The following RGS6 variants were observed in gnomAD, a reference collection of about 807,000 sequenced individuals.
The protein encoded by RGS6 is regulator of G-protein signaling 6.
In RGS6, 30 loss-of-function variants were observed where a neutral mutation model predicts 78.5. That is an observed-to-expected ratio of 0.38 (90% confidence interval 0.29 to 0.52). RGS6 has a LOEUF of 0.52. Among genes scored for constraint, RGS6 ranks in the 20% least tolerant of loss-of-function variants. The probability of loss-of-function intolerance (pLI) is 0.85; values close to 1 mark genes in which losing one functional copy is unlikely to be tolerated. For missense variants in RGS6, 495 were observed against 609.7 expected (o/e 0.81, Z 1.98); for synonymous variants, 206 against 206.0 (o/e 1.00, Z 0.00).
intron 2 of RGS6, among the ~76,000 whole-genome samples, chr14:71,985,101 A>G (rs1478401676): frequency 1.3e-5 from 2 of 152,166 alleles, no homozygotes; most frequent in African/African-American, 4.8e-5. Context: ...ATAATATGTC[A>G]TCATTATCAT....
intron 3 of RGS6, among the ~76,000 whole-genome samples, chr14:72,427,452 T>C (rs1185400979): frequency 6.6e-6 from 1 of 152,162 alleles, no homozygotes; most frequent in Admixed American, 6.5e-5. Flanking sequence ...CTGCTCCTAA[T>C]TAGCCTACCC....
chr14:72,592,302 G>A, the RGS6 span, among the ~76,000 whole-genome samples: 5 of 152,234 alleles, frequency 3.3e-5, no homozygotes, highest in Admixed American at 3.3e-4. Context: ...CAAATTCACT[G>A]GTTCCCAAGA....
At chr14:72,373,144 G>GA (rs1192409355) in intron 3 of RGS6, among the ~76,000 whole-genome samples, 6 of 151,584 alleles carry the variant, frequency 4.0e-5, no homozygotes, top group Non-Finnish European at 7.4e-5. Flanking sequence ...GCTGTGAAGG[G>GA]AAAAAAAATA....
At chr14:72,016,696 G>A (rs1328106037) in intron 2 of RGS6, among the ~76,000 whole-genome samples, 1 of 152,098 alleles carries the variant, frequency 6.6e-6, no homozygotes, top group African/African-American at 2.4e-5. Context: ...TGCTTACTCT[G>A]GCTCTACCCT....
intron 12 of RGS6, among the ~76,000 whole-genome samples, chr14:72,488,955 C>T (rs975313902): frequency 6.6e-6 from 1 of 152,214 alleles, no homozygotes; most frequent in Non-Finnish European, 1.5e-5. Context: ...GAGGACATTT[C>T]ATTTTTCAAT....
intron 2 of RGS6, among the ~76,000 whole-genome samples, chr14:72,274,463 C>T (rs1027079113): frequency 6.6e-6 from 1 of 152,220 alleles, no homozygotes; most frequent in African/African-American, 2.4e-5. Context: ...TAGCATGAAC[C>T]CAAAGACCAC....
At chr14:71,995,355 C>G (rs1341467480) in intron 2 of RGS6, among the ~76,000 whole-genome samples, 2 of 152,240 alleles carry the variant, frequency 1.3e-5, no homozygotes, top group Non-Finnish European at 2.9e-5. Context: ...AGAATGTGTC[C>G]TGGGTCCTGT....
intron 2 of RGS6, among the ~76,000 whole-genome samples, chr14:72,335,786 C>T (rs1384274921): frequency 6.6e-6 from 1 of 152,120 alleles, no homozygotes; most frequent in Non-Finnish European, 1.5e-5. Context: ...CCACATGTGG[C>T]CTGTGGGCCA....
intron 2 of RGS6, among the ~76,000 whole-genome samples, chr14:72,250,390 A>C (rs896802692): frequency 9.1e-6 from 1 of 109,348 alleles, no homozygotes. Context: ...TTTTACATGT[A>C]AATACACCGA....
At chr14:72,492,833 G>A (rs957009257) in intron 12 of RGS6, among the ~76,000 whole-genome samples, 2 of 152,134 alleles carry the variant, frequency 1.3e-5, no homozygotes, top group African/African-American at 4.8e-5. Flanking sequence ...AGTTTTATTA[G>A]AACACAGTCA....
intron 16 of RGS6, chr14:72,537,765 C>T: frequency 1.7e-6 from 1 of 573,156 alleles, no homozygotes; most frequent in Non-Finnish European, 3.1e-6. Context: ...GATCTGATCA[C>T]AGTTTGGTGA....
chr14:72,246,312 A>G (rs926399425), intron 2 of RGS6, among the ~76,000 whole-genome samples: 2 of 152,332 alleles, frequency 1.3e-5, no homozygotes, highest in African/African-American at 4.8e-5. Context: ...AGTAGGTTCA[A>G]AATAAACAAT....
chr14:72,003,913 G>GC (rs1267539072), intron 2 of RGS6, among the ~76,000 whole-genome samples: 1 of 152,180 alleles, frequency 6.6e-6, no homozygotes, highest in Non-Finnish European at 1.5e-5. Flanking sequence ...ATTCTCTCCA[G>GC]CCAAGGGTCA....
chr14:72,218,432 A>T (rs187083372), intron 2 of RGS6, among the ~76,000 whole-genome samples: 2 of 152,140 alleles, frequency 1.3e-5, no homozygotes, highest in Admixed American at 6.6e-5. Flanking sequence ...CAGTATATTA[A>T]TATTGAATTA....
the RGS6 span, among the ~76,000 whole-genome samples, chr14:72,586,066 A>ATT: frequency 6.6e-6 from 1 of 152,236 alleles, no homozygotes; most frequent in Non-Finnish European, 1.5e-5. Context: ...TGAATTTCAG[A>ATT]TCACAGAGTT....
intron 3 of RGS6, among the ~76,000 whole-genome samples, chr14:72,363,698 C>T (rs1317254739): frequency 2.0e-5 from 3 of 152,068 alleles, no homozygotes; most frequent in African/African-American, 7.2e-5. Context: ...TCTGAAACCC[C>T]ACAAAAATTA....
chr14:72,054,653 T>C (rs1012887809), intron 2 of RGS6, among the ~76,000 whole-genome samples: 2 of 152,198 alleles, frequency 1.3e-5, no homozygotes, highest in Non-Finnish European at 2.9e-5. Flanking sequence ...GTGCAATGCC[T>C]AATCTAAGAA....
intron 2 of RGS6, among the ~76,000 whole-genome samples, chr14:72,002,203 C>T (rs537110705): frequency 1.3e-5 from 2 of 152,204 alleles, no homozygotes; most frequent in Admixed American, 1.3e-4. Context: ...TAATCTCATT[C>T]TACCTCACTT....
intron 17 of RGS6, chr14:72,540,939 A>T: frequency 2.0e-6 from 2 of 985,404 alleles, no homozygotes; most frequent in Non-Finnish European, 2.4e-6. Context: ...CCTGGGGTGC[A>T]TGGCTGAGAC....
Sources: gnomAD v4.1 joint callset for allele counts (sites outside exome capture counted in the v4.1 genomes callset) on GRCh38, gnomAD v4.1.1 for gene constraint, MANE v1.5 for transcripts, NCBI Gene and HGNC (gene_info 2026-07-23, HGNC 2026-07-21) for gene names.